The following ANXA4 variants were observed in gnomAD, a reference collection of about 807,000 sequenced individuals.
ANXA4 encodes 35-beta calcimedin.
ANXA4 carries 39 observed loss-of-function variants against 49.8 expected under a neutral mutation model. The observed-to-expected ratio is 0.78, with a 90% CI of 0.61 to 1.02. The LOEUF (loss-of-function observed/expected upper bound fraction) is 1.02. Ranked by LOEUF, ANXA4 falls within the 50% of genes least tolerant of loss-of-function variation. ANXA4 has a pLI of 0.00. For missense variants in ANXA4, 360 were observed against 410.1 expected, an observed-to-expected ratio of 0.88 and a Z score of 1.05; for synonymous variants, 134 against 152.5, an observed-to-expected ratio of 0.88 and a Z score of 0.89.
At chr2:69,800,005 G>A (rs1344752062) in intron 3 of ANXA4, among the ~76,000 whole-genome samples, 1 of 152,194 alleles carries the variant, frequency 6.6e-6, no homozygotes, top group Non-Finnish European at 1.5e-5. Flanking sequence ...TTGTCTTACT[G>A]TTGAGAAGGT....
chr2:69,753,009 T>A (rs1409561864), intron 1 of ANXA4, among the ~76,000 whole-genome samples: 1 of 152,210 alleles, frequency 6.6e-6, no homozygotes, highest in Non-Finnish European at 1.5e-5. Flanking sequence ...ATTCAAAGCC[T>A]AAGTCACGTG....
intron 2 of ANXA4, among the ~76,000 whole-genome samples, chr2:69,665,731 AC>A (rs778884820): frequency 1.3e-5 from 2 of 152,216 alleles, no homozygotes; most frequent in South Asian, 2.1e-4. Context: ...TGATAAAAAA[AC>A]AGATTAATTA....
At chr2:69,762,005 A>G (rs2105526558) in intron 1 of ANXA4, among the ~76,000 whole-genome samples, 1 of 152,354 alleles carries the variant, frequency 6.6e-6, no homozygotes, top group African/African-American at 2.4e-5. Flanking sequence ...CATGCTTGAC[A>G]TGTGCCCTAC....
intron 12 of ANXA4, among the ~76,000 whole-genome samples, chr2:69,821,267 G>A (rs1426845330): frequency 6.6e-6 from 1 of 152,078 alleles, no homozygotes; most frequent in Non-Finnish European, 1.5e-5. Context: ...GTGAGAAATG[G>A]TTCACCTCCC....
intron 8 of ANXA4, among the ~76,000 whole-genome samples, chr2:69,813,677 G>C (rs1673806992): frequency 2.0e-5 from 3 of 151,778 alleles, no homozygotes; most frequent in South Asian, 4.2e-4. Context: ...CCTTGCTCAA[G>C]CTCAGAAAGA....
At chr2:69,789,607 T>C (rs895941035) in intron 3 of ANXA4, among the ~76,000 whole-genome samples, 3 of 151,834 alleles carry the variant, frequency 2.0e-5, no homozygotes, top group African/African-American at 7.3e-5. Flanking sequence ...CAGAGAGGGG[T>C]CCCGAGCGGG....
intron 9 of ANXA4, 162 bp from the exon 10 acceptor site, chr2:69,818,437 G>T: frequency 2.3e-6 from 1 of 441,216 alleles, no homozygotes; most frequent in Non-Finnish European, 4.2e-6. Flanking sequence ...ATTCCACTCT[G>T]CACATCCCTC....
intron 1 of ANXA4, among the ~76,000 whole-genome samples, chr2:69,751,404 A>G (rs1445391826): frequency 6.7e-6 from 1 of 149,170 alleles, no homozygotes; most frequent in Non-Finnish European, 1.5e-5. Flanking sequence ...GCTACTGGAG[A>G]GGCTGAGGTG....
At chr2:69,763,067 A>G (rs1156579502) in intron 1 of ANXA4, among the ~76,000 whole-genome samples, 1 of 152,188 alleles carries the variant, frequency 6.6e-6, no homozygotes, top group Non-Finnish European at 1.5e-5. Flanking sequence ...CGGCTGCTGC[A>G]TCAGAAATAG....
rs58940237 is a variant in ANXA4, at chr2:69,822,225, G to A, written c.906+1404G>A. On this transcript the variant is annotated intron_variant, in intron 12 of 12. Coordinates refer to ENST00000394295, the MANE Select transcript of ANXA4 (RefSeq NM_001153.5). ...AATCAACAAAAATTAGCCGGGTGTG[G>A]TGGTGCACGCCTGTAGTCCCAGCTA... 5.4e-3 allele frequency among the ~76,000 whole-genome samples: 820 copies of A among 152,158 alleles called. 10 individuals are homozygous for A. The highest frequency in any genetic ancestry group is 0.018 in the African/African-American group (756 of 41,500).
At chr2:69,678,167 T>G (rs1677471282) in intron 2 of ANXA4, among the ~76,000 whole-genome samples, 1 of 152,174 alleles carries the variant, frequency 6.6e-6, no homozygotes, top group Non-Finnish European at 1.5e-5. Flanking sequence ...GTTTTGCCCC[T>G]ATGACATTTA....
At chr2:69,806,032 T>G (rs900965314) in intron 4 of ANXA4, among the ~76,000 whole-genome samples, 5 of 152,242 alleles carry the variant, frequency 3.3e-5, no homozygotes, top group African/African-American at 1.2e-4. Context: ...GGAAGACAGA[T>G]GGCTTCTCAT....
chr2:69,708,223 G>T (rs1678559104), intron 2 of ANXA4, among the ~76,000 whole-genome samples: 1 of 152,156 alleles, frequency 6.6e-6, no homozygotes, highest in Non-Finnish European at 1.5e-5. Flanking sequence ...GGCCCACAAT[G>T]ATATCATGAT....
intron 3 of ANXA4, among the ~76,000 whole-genome samples, chr2:69,796,866 T>C (rs1489639819): frequency 6.6e-6 from 1 of 152,132 alleles, no homozygotes; most frequent in Non-Finnish European, 1.5e-5. Flanking sequence ...CCGCCTGATA[T>C]GATTGCTAAG....
chr2:69,687,911 G>A (rs528820686), intron 2 of ANXA4, among the ~76,000 whole-genome samples: 6 of 152,242 alleles, frequency 3.9e-5, no homozygotes, highest in African/African-American at 1.2e-4. Flanking sequence ...CCATAAACAC[G>A]TCAGTATGCA....
chr2:69,812,861 C>A, intron 8 of ANXA4, 152 bp downstream of exon 8: 1 of 698,870 alleles, frequency 1.4e-6, no homozygotes, highest in Non-Finnish European at 2.4e-6. Context: ...CCTTTAATAA[C>A]AGGTTTCTTG....
At chr2:69,742,362 G>A (rs549293703) in intron 1 of ANXA4, among the ~76,000 whole-genome samples, 187 bp downstream of exon 1, 73 of 152,286 alleles carry the variant, frequency 4.8e-4, no homozygotes, top group Admixed American at 1.4e-3. Context: ...GACTCGCTCC[G>A]GGTGGGCGAG....
intron 2 of ANXA4, among the ~76,000 whole-genome samples, chr2:69,675,352 G>A (rs191573628): frequency 7.6e-4 from 115 of 152,200 alleles, no homozygotes; most frequent in African/African-American, 2.7e-3. Flanking sequence ...AAAATAAAAT[G>A]GCATGTGAGT....
At chr2:69,658,025 A>G (rs1283337447) in intron 2 of ANXA4, among the ~76,000 whole-genome samples, 2 of 152,090 alleles carry the variant, frequency 1.3e-5, no homozygotes, top group Non-Finnish European at 2.9e-5. Flanking sequence ...AAAAATACTC[A>G]AAGGTTTTAT....
Sources: allele counts gnomAD v4.1 joint callset (sites outside exome capture counted in the v4.1 genomes callset), GRCh38; gene constraint gnomAD v4.1.1; transcripts MANE v1.5; gene names NCBI Gene and HGNC (gene_info 2026-07-23, HGNC 2026-07-21).